The following SERPINE2 variants were observed in gnomAD, a reference collection of about 807,000 sequenced individuals.
SERPINE2 encodes glia-derived nexin.
In SERPINE2, 14 loss-of-function variants were observed where a neutral mutation model predicts 36.3. The ratio of observed to expected loss-of-function variants is 0.39; its 90% CI spans 0.25 to 0.60. The LOEUF is 0.60. Ranked by LOEUF, SERPINE2 falls within the 20% of genes least tolerant of loss-of-function variation. The pLI, the probability that SERPINE2 is intolerant of heterozygous loss-of-function variation, is 0.57. For missense variants in SERPINE2, 418 were observed against 499.6 expected (o/e 0.84, Z 1.56); for synonymous variants, 192 against 191.8 (o/e 1.00, Z -0.01).
chr2:223,987,181 T>C (rs1004215605), intron 4 of SERPINE2, among the ~76,000 whole-genome samples: 2 of 152,200 alleles, frequency 1.3e-5, no homozygotes, highest in African/African-American at 4.8e-5. Context: ...TACAGAGCTA[T>C]GAAAATTCAT....
rs767005897 is a variant in SERPINE2 at position 224,001,800 on chromosome 2, G to C, written c.101C>G (p.Thr34Arg). Reference sequence around the variant, plus strand: ...AATCTGATTGAAAACCTGGATCCCCGTGTTGGAGCCTAGTTCCTCGAGAGA... The same window carrying C: ...AATCTGATTGAAAACCTGGATCCCCCTGTTGGAGCCTAGTTCCTCGAGAGA... ...PLSLEELGSN[T>R]GIQVFNQIVK... The change falls in exon 2 of 9, where the codon ACG (threonine) becomes AGG (arginine). Residue 34 changes from threonine to arginine, a missense_variant. Physicochemically the swap from Thr to Arg is moderately conservative, Grantham distance 71. Transcript: ENST00000409304. 6.2e-7 allele frequency: 1 copy of C among 1,614,022 alleles called. No individual in the cohort carries two copies. Among genetic ancestry groups the C allele is most frequent in the African/African-American group, 1.3e-5 (1 of 74,920 alleles).
chr2:223,990,719 T>C (rs1295035390), intron 4 of SERPINE2, among the ~76,000 whole-genome samples: 1 of 152,190 alleles, frequency 6.6e-6, no homozygotes, highest in African/African-American at 2.4e-5. Context: ...GGCTCATGCC[T>C]GTAATCCCAG....
chr2:224,003,240 T>A (rs1291391518), intron 1 of SERPINE2, among the ~76,000 whole-genome samples: 1 of 151,806 alleles, frequency 6.6e-6, no homozygotes, highest in Non-Finnish European at 1.5e-5. Flanking sequence ...GGATGTGAAA[T>A]CAAGGTCGTA....
At chr2:224,001,141 GT>G (rs1559206236) in intron 2 of SERPINE2, among the ~76,000 whole-genome samples, 1 of 152,186 alleles carries the variant, frequency 6.6e-6, no homozygotes. Context: ...ATACACTCCT[GT>G]TGTGGGCTTG....
intron 1 of SERPINE2, among the ~76,000 whole-genome samples, chr2:224,037,568 A>G (rs1319635977): frequency 6.6e-6 from 1 of 152,184 alleles, no homozygotes; most frequent in Non-Finnish European, 1.5e-5. Context: ...AAATAGCCCA[A>G]GAGCCAAAGT....
chr2:224,022,158 CAAA>C (rs71058977), intron 1 of SERPINE2, among the ~76,000 whole-genome samples: 13 of 72,598 alleles, frequency 1.8e-4, no homozygotes, highest in African/African-American at 7.3e-4. Context: ...GACTCCTTCT[CAAA>C]AAAAAAAAAA....
intron 1 of SERPINE2, among the ~76,000 whole-genome samples, chr2:224,018,878 C>T (rs1691889747): frequency 6.6e-6 from 1 of 152,194 alleles, no homozygotes; most frequent in Admixed American, 6.5e-5. Flanking sequence ...ATCCCCAGCC[C>T]AAGCCACCAA....
chr2:224,024,279 A>G (rs1234328554), intron 1 of SERPINE2, among the ~76,000 whole-genome samples: 1 of 152,174 alleles, frequency 6.6e-6, no homozygotes, highest in Non-Finnish European at 1.5e-5. Flanking sequence ...AATTTTGTAA[A>G]AAGGTGATCA....
At chr2:223,993,579 T>C (rs1690763400) in intron 3 of SERPINE2, among the ~76,000 whole-genome samples, 1 of 151,924 alleles carries the variant, frequency 6.6e-6, no homozygotes, top group Non-Finnish European at 1.5e-5. Flanking sequence ...TGTGTATAAA[T>C]ACATAATATA....
intron 1 of SERPINE2, chr2:224,031,535 A>G: frequency 1.0e-6 from 1 of 984,540 alleles, no homozygotes; most frequent in East Asian, 1.1e-4. Flanking sequence ...GCCCACAGCC[A>G]TTGGTACACG....
At chr2:224,033,074 A>C (rs1559223921) in intron 1 of SERPINE2, among the ~76,000 whole-genome samples, 1 of 152,214 alleles carries the variant, frequency 6.6e-6, no homozygotes, top group Non-Finnish European at 1.5e-5. Flanking sequence ...GATAACCTAA[A>C]GATGTAGTTT....
At position 223,975,863 on chromosome 2, in the gene SERPINE2, C is replaced by T; in HGVS notation, c.*4G>A. 6.3e-7 allele frequency: 1 copy of T among 1,582,748 alleles called. No individual in the cohort carries two copies. The highest frequency in any genetic ancestry group is 8.6e-7 in the Non-Finnish European group (1 of 1,159,918). ...TGCTTTGCATGGTTTCTTTTGTATA[C>T]TCTTCAGGGTTTGTTTATCTGCCCC... is the stretch of plus-strand genomic sequence containing the variant. On this transcript the variant is annotated 3_prime_UTR_variant, in exon 9 of 9. Coordinates refer to ENST00000409304, the MANE Select transcript of SERPINE2 (RefSeq NM_001136528.2).
chr2:224,002,050 C>T, intron 1 of SERPINE2, 128 bp from the exon 2 acceptor site: 1 of 830,000 alleles, frequency 1.2e-6, no homozygotes, highest in Non-Finnish European at 1.8e-6. Flanking sequence ...CATCTCAGCT[C>T]ACTGCAACCT....
chr2:224,038,247 A>G (rs965918756), intron 1 of SERPINE2, among the ~76,000 whole-genome samples: 14 of 152,154 alleles, frequency 9.2e-5, no homozygotes, highest in Non-Finnish European at 2.1e-4. Context: ...GATGCTAAAT[A>G]TAAGAACGTC....
At chr2:223,988,642 C>A (rs537639949) in intron 4 of SERPINE2, among the ~76,000 whole-genome samples, 1 of 152,132 alleles carries the variant, frequency 6.6e-6, no homozygotes, top group Non-Finnish European at 1.5e-5. Context: ...AAATTCATAA[C>A]CATAAAACAT....
At chr2:223,976,712 T>G (rs1000426423) in intron 8 of SERPINE2, among the ~76,000 whole-genome samples, 1 of 152,234 alleles carries the variant, frequency 6.6e-6, no homozygotes, top group Non-Finnish European at 1.5e-5. Flanking sequence ...TCAGCACTAC[T>G]GTTGTCCTCA....
In SERPINE2 at chr2:223,980,395, A is replaced by C. The variant is rs181909764; in HGVS notation, c.988T>G (p.Ser330Ala). 1.2e-6 allele frequency: 2 copies of C among 1,613,694 alleles called. No homozygotes were observed. The highest frequency in any genetic ancestry group is 1.7e-6 in the Non-Finnish European group (2 of 1,179,594). Residue 330 changes from serine to alanine, a missense_variant and splice_region_variant, in exon 7 of 9, where the codon TCA becomes GCA. Coordinates refer to ENST00000409304, the MANE Select transcript of SERPINE2 (RefSeq NM_001136528.2). Reference protein sequence around the residue: ...SKANFAKITRSENLHVSHILQ... With the variant: ...SKANFAKITRAENLHVSHILQ... Reference sequence around the variant, plus strand: ...ATATGAGAAACATGGAGGTTTTCTGACCCTGCTTCCAGAAAATAAAACAGT... The same window carrying C: ...ATATGAGAAACATGGAGGTTTTCTGCCCCTGCTTCCAGAAAATAAAACAGT...
chr2:223,991,646 T>A (rs560956301), intron 4 of SERPINE2, among the ~76,000 whole-genome samples, 157 bp downstream of exon 4: 2 of 152,384 alleles, frequency 1.3e-5, no homozygotes, highest in East Asian at 3.9e-4. Flanking sequence ...CAGATTTACA[T>A]GAGCTTTATA....
chr2:223,983,489 G>A (rs927762198), intron 5 of SERPINE2, among the ~76,000 whole-genome samples: 13 of 151,988 alleles, frequency 8.6e-5, no homozygotes, highest in African/African-American at 2.7e-4. Context: ...TCCTGACCTC[G>A]TGATCCGCCC....
Sources: gnomAD v4.1 joint callset for allele counts (sites outside exome capture counted in the v4.1 genomes callset) on GRCh38, gnomAD v4.1.1 for gene constraint, MANE v1.5 for transcripts, NCBI Gene and HGNC (gene_info 2026-07-23, HGNC 2026-07-21) for gene names.